GRIK2: variants seen among roughly 807,000 people sequenced by gnomAD.
GRIK2 encodes the protein glutamate ionotropic receptor kainate type subunit 2, also known as glutamate receptor ionotropic, kainate 2.
GRIK2 carries 32 observed loss-of-function variants against 100.3 expected under a neutral mutation model. That is an observed-to-expected ratio of 0.32 (90% CI 0.24 to 0.43). The LOEUF is 0.43. GRIK2 is among the 20% of genes least tolerant of loss of function. The pLI, the probability that GRIK2 is intolerant of heterozygous loss-of-function variation, is 1.00. For synonymous variants in GRIK2, 417 were observed against 389.4 expected, an observed-to-expected ratio of 1.07 and a Z score of -0.83; for missense variants, 843 against 1,114.9, an observed-to-expected ratio of 0.76 and a Z score of 3.47.
In GRIK2 at chr6:101,941,127, A is replaced by G. The variant is rs530310494; in HGVS notation, c.2085+12495A>G. On this transcript the variant is annotated intron_variant, in intron 14 of 16. Coordinates refer to ENST00000369134, the MANE Select transcript of GRIK2 (RefSeq NM_021956.5). ...TGAATATTTTATGTAGGTGAAATAA[A>G]TTACAATTATAACTATCTAAACCAT... Among the ~76,000 whole-genome samples the G allele has an allele frequency of 5.3e-5, 8 of 152,254 alleles. No individual in the cohort carries two copies. In the South Asian group the frequency reaches 1.7e-3, roughly 32 times the overall value.
At chr6:101,903,318 G>T (rs1306486662) in intron 12 of GRIK2, among the ~76,000 whole-genome samples, 3 of 151,746 alleles carry the variant, frequency 2.0e-5, no homozygotes, top group Non-Finnish European at 2.9e-5. Flanking sequence ...TGCCCATAGG[G>T]ATTTATTGAA....
intron 7 of GRIK2, among the ~76,000 whole-genome samples, chr6:101,766,211 A>T (rs1030091873): frequency 1.4e-4 from 22 of 151,896 alleles, no homozygotes; most frequent in African/African-American, 5.1e-4. Flanking sequence ...ACTATTCGGT[A>T]TGTTTGGGCT....
intron 16 of GRIK2, among the ~76,000 whole-genome samples, chr6:102,063,799 C>A (rs1431580235): frequency 1.4e-5 from 2 of 147,884 alleles, no homozygotes; most frequent in Non-Finnish European, 3.0e-5. Context: ...TAAATATGGC[C>A]AAGTTCATAC....
intron 7 of GRIK2, among the ~76,000 whole-genome samples, chr6:101,758,699 G>A (rs1017892730): frequency 6.6e-6 from 1 of 152,138 alleles, no homozygotes; most frequent in East Asian, 1.9e-4. Flanking sequence ...AATAGAGCAT[G>A]GGATATAAGA....
chr6:102,031,909 C>T (rs1013808596), intron 14 of GRIK2, among the ~76,000 whole-genome samples: 1 of 151,222 alleles, frequency 6.6e-6, no homozygotes, highest in Non-Finnish European at 1.5e-5. Context: ...GTTAAACCAA[C>T]AAGGAAGACT....
At chr6:101,513,682 T>C (rs1306223960) in intron 2 of GRIK2, among the ~76,000 whole-genome samples, 1 of 152,158 alleles carries the variant, frequency 6.6e-6, no homozygotes, top group Non-Finnish European at 1.5e-5. Context: ...AATTTGTGAT[T>C]TGTAGGCCAT....
intron 12 of GRIK2, among the ~76,000 whole-genome samples, chr6:101,893,413 T>G (rs1233630749): frequency 6.6e-6 from 1 of 151,726 alleles, no homozygotes; most frequent in African/African-American, 2.4e-5. Flanking sequence ...TAATATTAAC[T>G]GTTAGGGAAT....
At chr6:101,759,867 A>ATTTT (rs1777383021) in intron 7 of GRIK2, among the ~76,000 whole-genome samples, 38 of 147,048 alleles carry the variant, frequency 2.6e-4, no homozygotes, top group African/African-American at 4.4e-4. Context: ...TTATTTTTTT[A>ATTTT]TTTATTTTTA....
intron 2 of GRIK2, among the ~76,000 whole-genome samples, chr6:101,619,099 C>T (rs963796796): frequency 6.7e-6 from 1 of 150,310 alleles, no homozygotes; most frequent in African/African-American, 2.4e-5. Flanking sequence ...GTTCTTTCTC[C>T]TCAATAGTTT....
chr6:101,857,332 G>C lies in GRIK2; in HGVS notation c.1318-1955G>C, dbSNP rs377587152. On this transcript the variant is annotated intron_variant, in intron 10 of 16. Coordinates refer to ENST00000369134, the MANE Select transcript of GRIK2 (RefSeq NM_021956.5). The stretch of plus-strand genomic sequence containing the variant: ...GAAACAACGTGCCAATCTCTGACCA[G>C]GACTTCTCTAACACACAGTGGCAGT... 1.4e-4 allele frequency among the ~76,000 whole-genome samples: 22 copies of C among 152,316 alleles called. No individual in the cohort carries two copies. In the East Asian group the frequency reaches 4.1e-3, roughly 28 times the overall value.
At chr6:101,865,609 A>G (rs1785000450) in intron 11 of GRIK2, among the ~76,000 whole-genome samples, 2 of 152,172 alleles carry the variant, frequency 1.3e-5, no homozygotes. Flanking sequence ...CAAAAAGGCT[A>G]GGCGTCGTGA....
intron 12 of GRIK2, among the ~76,000 whole-genome samples, chr6:101,892,974 C>A (rs73761468): frequency 6.6e-6 from 1 of 151,212 alleles, no homozygotes; most frequent in Non-Finnish European, 1.5e-5. Flanking sequence ...TTAAAATATA[C>A]TCTGACATAG....
chr6:101,875,182 A>G (rs1458978680), intron 11 of GRIK2, among the ~76,000 whole-genome samples: 1 of 152,070 alleles, frequency 6.6e-6, no homozygotes, highest in African/African-American at 2.4e-5. Context: ...TAAACTGGAC[A>G]TTAATTTTTA....
chr6:101,787,459 A>C (rs552366448), intron 7 of GRIK2, among the ~76,000 whole-genome samples: 1 of 152,046 alleles, frequency 6.6e-6, no homozygotes, highest in African/African-American at 2.4e-5. Context: ...CCCTCTTAAC[A>C]CTGCTTTTCC....
chr6:102,009,432 G>T (rs775282538), intron 14 of GRIK2, among the ~76,000 whole-genome samples: 5 of 152,008 alleles, frequency 3.3e-5, no homozygotes, highest in Non-Finnish European at 7.4e-5. Flanking sequence ...TTATTAAAAT[G>T]CAGGTTCATA....
chr6:101,599,315 C>T (rs1385048311), intron 2 of GRIK2, among the ~76,000 whole-genome samples: 1 of 151,600 alleles, frequency 6.6e-6, no homozygotes, highest in Non-Finnish European at 1.5e-5. Flanking sequence ...GATCAGTCCC[C>T]TATTGATGGG....
At chr6:102,052,273 C>T (rs1340950068) in intron 15 of GRIK2, among the ~76,000 whole-genome samples, 1 of 152,114 alleles carries the variant, frequency 6.6e-6, no homozygotes, top group Non-Finnish European at 1.5e-5. Context: ...GATGGAAGGA[C>T]AAGTAAAACA....
chr6:101,966,257 G>T (rs1044377907), intron 14 of GRIK2, among the ~76,000 whole-genome samples: 1 of 152,046 alleles, frequency 6.6e-6, no homozygotes, highest in African/African-American at 2.4e-5. Context: ...ATTTATTTAG[G>T]TAATGCAAAT....
intron 14 of GRIK2, among the ~76,000 whole-genome samples, chr6:101,966,730 T>C (rs1192018131): frequency 6.6e-6 from 1 of 152,076 alleles, no homozygotes; most frequent in Non-Finnish European, 1.5e-5. Flanking sequence ...TTATGATTGA[T>C]AGGATATCTT....
Sources: allele counts gnomAD v4.1 joint callset (sites outside exome capture counted in the v4.1 genomes callset), GRCh38; gene constraint gnomAD v4.1.1; transcripts MANE v1.5; gene names NCBI Gene and HGNC (gene_info 2026-07-23, HGNC 2026-07-21).